Variants in PRELID2 observed in about 807,000 individuals in gnomAD.
The protein encoded by PRELID2 is PRELI domain containing 2.
A neutral mutation model predicts 28.4 loss-of-function variants in PRELID2; 25 were observed. That is an observed-to-expected ratio of 0.88 (90% CI 0.64 to 1.23). The LOEUF is 1.23. Among genes scored for constraint, PRELID2 ranks in the 50% most tolerant of loss-of-function variants. The pLI is 0.00. For synonymous variants in PRELID2, 76 were observed against 71.6 expected, an observed-to-expected ratio of 1.06 and a Z score of -0.31; for missense variants, 201 against 214.4, an observed-to-expected ratio of 0.94 and a Z score of 0.39.
At chr5:145,696,286 A>G (rs1755261190) in intron 1 of PRELID2, among the ~76,000 whole-genome samples, 1 of 149,694 alleles carries the variant, frequency 6.7e-6, no homozygotes, top group East Asian at 2.0e-4. Flanking sequence ...TGAGACAGGC[A>G]CTGCTTGACA....
the PRELID2 span, among the ~76,000 whole-genome samples, chr5:145,363,286 A>G: frequency 6.6e-6 from 1 of 152,058 alleles, no homozygotes; most frequent in Non-Finnish European, 1.5e-5. Context: ...AACAACTCTT[A>G]AGGGCCCCAA....
At chr5:145,418,899 T>G in the PRELID2 span, among the ~76,000 whole-genome samples, 1 of 142,434 alleles carries the variant, frequency 7.0e-6, no homozygotes, top group Non-Finnish European at 1.5e-5. Flanking sequence ...CCCACAACAG[T>G]CCCCAGAGTG....
chr5:145,464,595 T>A, the PRELID2 span, among the ~76,000 whole-genome samples: 2 of 152,216 alleles, frequency 1.3e-5, no homozygotes, highest in East Asian at 3.8e-4. Flanking sequence ...GTATTCACCT[T>A]CTACAGACCT....
chr5:145,776,062 A>T lies in PRELID2; in HGVS notation c.475-11062T>A, dbSNP rs574148060. Among the ~76,000 whole-genome samples the T allele has an allele frequency of 3.7e-3, 561 of 152,314 alleles. 2 individuals are homozygous for T. Among genetic ancestry groups the T allele is most frequent in the Non-Finnish European group, 6.5e-3 (440 of 68,032 alleles). On this transcript the variant is annotated intron_variant, in intron 5 of 6. Coordinates refer to ENST00000683046, the MANE Select transcript of PRELID2 (RefSeq NM_205846.3). ...AAGAAAAAAAATGCCTGCAGTGTTT[A>T]TAGTTACCTCTTATCTGTAGTTTTG...
chr5:145,382,859 A>G, the PRELID2 span, among the ~76,000 whole-genome samples: 1 of 151,902 alleles, frequency 6.6e-6, no homozygotes, highest in Non-Finnish European at 1.5e-5. Flanking sequence ...CAGAATCTAA[A>G]ATAAAAATTT....
the PRELID2 span, among the ~76,000 whole-genome samples, chr5:145,426,190 C>T: frequency 6.6e-6 from 1 of 151,842 alleles, no homozygotes; most frequent in Non-Finnish European, 1.5e-5. Flanking sequence ...AGGGTTTTTG[C>T]TGCTTTCCTC....
At chr5:145,698,887 C>G (rs987372354) in intron 1 of PRELID2, among the ~76,000 whole-genome samples, 4 of 152,070 alleles carry the variant, frequency 2.6e-5, no homozygotes, top group African/African-American at 9.7e-5. Flanking sequence ...CCACCATGCC[C>G]GGCTAATTTT....
chr5:145,420,088 A>G, the PRELID2 span, among the ~76,000 whole-genome samples: 6 of 151,984 alleles, frequency 3.9e-5, no homozygotes, highest in African/African-American at 7.3e-5. Context: ...CCATTGATCT[A>G]TATCTCTGTT....
At chr5:145,735,396 C>T (rs1213316082) in intron 1 of PRELID2, among the ~76,000 whole-genome samples, 1 of 152,118 alleles carries the variant, frequency 6.6e-6, no homozygotes, top group South Asian at 2.1e-4. Context: ...TTTATACACA[C>T]TCAGAAACAC....
chr5:145,646,941 G>C (rs957602232), intron 1 of PRELID2, among the ~76,000 whole-genome samples: 1 of 152,198 alleles, frequency 6.6e-6, no homozygotes, highest in East Asian at 1.9e-4. Context: ...TCTCCTGTAT[G>C]AGGTGTCTGT....
intron 1 of PRELID2, among the ~76,000 whole-genome samples, chr5:145,477,570 C>T (rs747415209): frequency 2.7e-4 from 41 of 152,124 alleles, no homozygotes; most frequent in Non-Finnish European, 4.7e-4. Flanking sequence ...GGACTTGGAG[C>T]ATGGCTAGCC....
chr5:145,679,514 A>T (rs567696043), intron 1 of PRELID2, among the ~76,000 whole-genome samples: 71 of 152,292 alleles, frequency 4.7e-4, no homozygotes, highest in African/African-American at 1.7e-3. Context: ...TATCATAATC[A>T]TTAATTGTCT....
At chr5:145,643,760 AT>A (rs1754149391) in intron 1 of PRELID2, among the ~76,000 whole-genome samples, 1 of 152,172 alleles carries the variant, frequency 6.6e-6, no homozygotes, top group African/African-American at 2.4e-5. Context: ...TTCTGTATCT[AT>A]TGAGATAATC....
the PRELID2 span, among the ~76,000 whole-genome samples, chr5:145,405,635 G>A: frequency 6.6e-6 from 1 of 151,392 alleles, no homozygotes; most frequent in South Asian, 2.1e-4. Flanking sequence ...AAAGTGAAGA[G>A]GGAGCAGGCA....
At chr5:145,387,386 T>C in the PRELID2 span, among the ~76,000 whole-genome samples, 1 of 152,130 alleles carries the variant, frequency 6.6e-6, no homozygotes, top group Non-Finnish European at 1.5e-5. Context: ...GTGAGAAGTA[T>C]GCCAGAAGAA....
the PRELID2 span, among the ~76,000 whole-genome samples, chr5:145,379,578 G>A: frequency 6.6e-6 from 1 of 152,146 alleles, no homozygotes; most frequent in East Asian, 1.9e-4. Context: ...TATGGTGCTG[G>A]TGGTGGCAGA....
At chr5:145,230,557 CA>C in the PRELID2 span, among the ~76,000 whole-genome samples, 2 of 150,956 alleles carry the variant, frequency 1.3e-5, no homozygotes, top group Admixed American at 1.3e-4. Context: ...CCAGCCTGGG[CA>C]ACAGAGCGAG....
chr5:145,347,661 T>G, the PRELID2 span, among the ~76,000 whole-genome samples: 9 of 152,178 alleles, frequency 5.9e-5, no homozygotes, highest in Middle Eastern at 3.4e-3. Context: ...TGAGGGTTCA[T>G]TCTTTCCTGC....
the PRELID2 span, among the ~76,000 whole-genome samples, chr5:145,345,560 C>G: frequency 6.6e-6 from 1 of 152,154 alleles, no homozygotes; most frequent in South Asian, 2.1e-4. Context: ...ATCATCTTAG[C>G]TTATAATATC....
Sources: allele counts gnomAD v4.1 joint callset (sites outside exome capture counted in the v4.1 genomes callset), GRCh38; gene constraint gnomAD v4.1.1; transcripts MANE v1.5; gene names NCBI Gene and HGNC (gene_info 2026-07-23, HGNC 2026-07-21).